AUTS2: variants seen among roughly 807,000 people sequenced by gnomAD.
AUTS2 encodes autism susceptibility gene 2 protein.
In AUTS2, 17 loss-of-function variants were observed where a neutral mutation model predicts 112.4. The ratio of observed to expected loss-of-function variants is 0.15; its 90% CI spans 0.10 to 0.23. The LOEUF is 0.23. AUTS2 is among the 10% of genes least tolerant of loss of function. AUTS2 has a pLI of 1.00. For synonymous variants in AUTS2, 751 were observed against 702.7 expected, an observed-to-expected ratio of 1.07 and a Z score of -1.09; for missense variants, 1,510 against 1,701.6, an observed-to-expected ratio of 0.89 and a Z score of 1.98.
At chr7:70,708,774 CA>C (rs1809878206) in intron 6 of AUTS2, among the ~76,000 whole-genome samples, 1 of 152,066 alleles carries the variant, frequency 6.6e-6, no homozygotes, top group Admixed American at 6.6e-5. Context: ...TTGAGTTTTC[CA>C]TTTTAAAAAT....
intron 4 of AUTS2, among the ~76,000 whole-genome samples, chr7:70,218,175 T>G (rs1811273645): frequency 6.6e-6 from 1 of 152,238 alleles, no homozygotes. Context: ...CCCTGTGTCA[T>G]ATAACTTCTA....
chr7:69,645,171 A>G (rs1794972239), intron 1 of AUTS2, among the ~76,000 whole-genome samples: 1 of 151,324 alleles, frequency 6.6e-6, no homozygotes, highest in Non-Finnish European at 1.5e-5. Context: ...CTTGGCCTCC[A>G]AAAATACTGA....
At chr7:70,267,671 G>T (rs6975967) in intron 4 of AUTS2, among the ~76,000 whole-genome samples, 1 of 152,188 alleles carries the variant, frequency 6.6e-6, no homozygotes, top group Non-Finnish European at 1.5e-5. Context: ...TTCAGATTCA[G>T]ATAAACTGAC....
At chr7:70,394,547 A>G (rs1156891297) in intron 4 of AUTS2, among the ~76,000 whole-genome samples, 9 of 152,168 alleles carry the variant, frequency 5.9e-5, no homozygotes, top group Middle Eastern at 6.3e-3. Context: ...GATGAGTTGA[A>G]AATAATCTTT....
chr7:69,776,246 A>G (rs1788892103), intron 1 of AUTS2, among the ~76,000 whole-genome samples: 1 of 152,138 alleles, frequency 6.6e-6, no homozygotes, highest in Non-Finnish European at 1.5e-5. Flanking sequence ...TACTTGAACA[A>G]TTTGCACATG....
chr7:70,418,028 C>A (rs1433209474), intron 4 of AUTS2, among the ~76,000 whole-genome samples: 1 of 151,758 alleles, frequency 6.6e-6, no homozygotes, highest in Non-Finnish European at 1.5e-5. Context: ...TCACAGGGGG[C>A]ACTTGTGATC....
At chr7:69,779,566 A>G (rs1789054154) in intron 1 of AUTS2, among the ~76,000 whole-genome samples, 1 of 152,036 alleles carries the variant, frequency 6.6e-6, no homozygotes, top group East Asian at 1.9e-4. Flanking sequence ...GTTCGAGACC[A>G]GCCTGACCAA....
At chr7:70,169,174 G>C (rs1808536737) in intron 4 of AUTS2, among the ~76,000 whole-genome samples, 1 of 152,004 alleles carries the variant, frequency 6.6e-6, no homozygotes, top group Non-Finnish European at 1.5e-5. Context: ...TAATATTTCT[G>C]GATTAAGTAT....
intron 5 of AUTS2, among the ~76,000 whole-genome samples, chr7:70,469,596 A>G (rs1197294436): frequency 6.6e-6 from 1 of 152,018 alleles, no homozygotes; most frequent in Admixed American, 6.6e-5. Context: ...AGCTTTTTTG[A>G]TATATAATTG....
chr7:69,868,367 A>G (rs1333255528), intron 1 of AUTS2, among the ~76,000 whole-genome samples: 1 of 152,212 alleles, frequency 6.6e-6, no homozygotes. Context: ...GAAGTATTCA[A>G]CAATTTTTTC....
At chr7:69,832,141 C>G (rs1294311113) in intron 1 of AUTS2, among the ~76,000 whole-genome samples, 2 of 152,184 alleles carry the variant, frequency 1.3e-5, no homozygotes, top group African/African-American at 4.8e-5. Flanking sequence ...AACCCCCTAC[C>G]CTGCTCCCCA....
chr7:70,581,981 T>C (rs1346730485), intron 5 of AUTS2, among the ~76,000 whole-genome samples: 2 of 152,148 alleles, frequency 1.3e-5, no homozygotes, highest in African/African-American at 4.8e-5. Context: ...TTTGTTTTGT[T>C]TTCTTTCAAC....
intron 3 of AUTS2, among the ~76,000 whole-genome samples, chr7:70,125,214 T>A (rs979613786): frequency 1.3e-5 from 2 of 151,860 alleles, no homozygotes; most frequent in African/African-American, 2.4e-5. Flanking sequence ...TAAACATTAC[T>A]CATTTTGGGA....
intron 2 of AUTS2, among the ~76,000 whole-genome samples, chr7:70,068,838 C>G (rs560528610): frequency 1.3e-5 from 2 of 152,218 alleles, no homozygotes; most frequent in East Asian, 3.9e-4. Flanking sequence ...TCCAAGTGAT[C>G]ACTTGTTTTG....
At chr7:69,742,714 A>G (rs1414979440) in intron 1 of AUTS2, among the ~76,000 whole-genome samples, 1 of 152,194 alleles carries the variant, frequency 6.6e-6, no homozygotes, top group Non-Finnish European at 1.5e-5. Flanking sequence ...CAGTTTCTTC[A>G]TCTATACAGT....
intron 2 of AUTS2, among the ~76,000 whole-genome samples, chr7:70,032,444 C>T (rs1028804722): frequency 2.6e-5 from 4 of 152,068 alleles, no homozygotes; most frequent in Non-Finnish European, 4.4e-5. Flanking sequence ...ATCTCTTTTG[C>T]TCAATAACTC....
intron 3 of AUTS2, among the ~76,000 whole-genome samples, chr7:70,129,901 T>TATTGTGTG (rs1554319605): frequency 3.4e-5 from 5 of 147,322 alleles, no homozygotes; most frequent in African/African-American, 1.3e-4. Context: ...TATATATATA[T>TATTGTGTG]TGTGTGTGTG....
At chr7:70,784,743 A>T (rs1409156330) in intron 15 of AUTS2, 199 bp from the exon 16 acceptor site, 2 of 3,220 alleles carry the variant, frequency 6.2e-4, no homozygotes, top group African/African-American at 2.3e-3. Flanking sequence ...TCTGCTTCCT[A>T]AAAAAAAAAA....
chr7:69,944,488 G>A (rs1796737962), intron 2 of AUTS2, among the ~76,000 whole-genome samples: 1 of 152,140 alleles, frequency 6.6e-6, no homozygotes, highest in African/African-American at 2.4e-5. Context: ...TATATATTTA[G>A]GGTATTGCAT....
Sources: gnomAD v4.1 joint callset for allele counts (sites outside exome capture counted in the v4.1 genomes callset) on GRCh38, gnomAD v4.1.1 for gene constraint, MANE v1.5 for transcripts, NCBI Gene and HGNC (gene_info 2026-07-23, HGNC 2026-07-21) for gene names.